The following SCN8A variants were observed in gnomAD, a reference collection of about 807,000 sequenced individuals.
SCN8A encodes sodium voltage-gated channel alpha subunit 8.
Under a neutral mutation model 184.1 loss-of-function variants are expected in SCN8A, and 30 were observed. That is an observed-to-expected ratio of 0.16 (90% CI 0.12 to 0.22). SCN8A has a LOEUF of 0.22. SCN8A is among the 10% of genes least tolerant of loss of function. The pLI, the probability that SCN8A is intolerant of heterozygous loss-of-function variation, is 1.00. For missense variants in SCN8A, 1,057 were observed against 2,498.9 expected (o/e 0.42, Z 12.30); for synonymous variants, 852 against 907.0 (o/e 0.94, Z 1.09).
At chr12:51,705,284 A>G in intron 9 of SCN8A, 133 bp from the exon 10 acceptor site, 1 of 707,510 alleles carries the variant, frequency 1.4e-6, no homozygotes, top group Non-Finnish European at 2.3e-6. Flanking sequence ...CACAATAGGA[A>G]GGAGTACTGC....
At chr12:51,736,950 T>A (rs1942335741) in intron 12 of SCN8A, among the ~76,000 whole-genome samples, 1 of 152,248 alleles carries the variant, frequency 6.6e-6, no homozygotes, top group Non-Finnish European at 1.5e-5. Flanking sequence ...GAGACCCATC[T>A]GTAAAAACAT....
chr12:51,694,038 T>G (rs940647117), intron 6 of SCN8A, among the ~76,000 whole-genome samples: 1 of 152,222 alleles, frequency 6.6e-6, no homozygotes, highest in African/African-American at 2.4e-5. Flanking sequence ...GTTCAAGCGA[T>G]TCTCCTGCCT....
At chr12:51,694,534 C>A (rs1392709023) in intron 6 of SCN8A, among the ~76,000 whole-genome samples, 1 of 152,212 alleles carries the variant, frequency 6.6e-6, no homozygotes, top group Admixed American at 6.5e-5. Flanking sequence ...TCTACTCAGA[C>A]ACGTACCAAA....
chr12:51,703,107 G>A (rs1410199496), intron 9 of SCN8A, among the ~76,000 whole-genome samples, 193 bp downstream of exon 9: 1 of 152,224 alleles, frequency 6.6e-6, no homozygotes, highest in East Asian at 1.9e-4. Flanking sequence ...GCTCAGTCAT[G>A]TATAGCTGTA....
intron 1 of SCN8A, among the ~76,000 whole-genome samples, chr12:51,641,743 C>A (rs1338605720): frequency 6.6e-6 from 1 of 152,196 alleles, no homozygotes; most frequent in African/African-American, 2.4e-5. Context: ...TAGAAAATCA[C>A]TGGGGCGGAG....
rs1487085633 is a variant in SCN8A, at chr12:51,808,382, TAACA to T, written c.*954_*957del. The T allele has an allele frequency of 6.6e-6, 1 of 152,660 alleles. No homozygotes were observed. The highest frequency in any genetic ancestry group is 1.5e-5 in the Non-Finnish European group (1 of 68,058). 9.5% of individuals were successfully genotyped at this position (152,660 alleles called of 1,614,324 possible). On this transcript the variant is annotated 3_prime_UTR_variant, in exon 27 of 27. Coordinates refer to ENST00000627620, the MANE Select transcript of SCN8A (RefSeq NM_001330260.2). ...CGTGTATATGTTTAACAGACATCTC[TAACA>T]TACAGCCATTGTTGCACATTTTGCA...
At chr12:51,756,578 C>A (rs1007617283) in intron 14 of SCN8A, among the ~76,000 whole-genome samples, 1 of 152,276 alleles carries the variant, frequency 6.6e-6, no homozygotes, top group African/African-American at 2.4e-5. Flanking sequence ...GGCCTCAACA[C>A]CTATGTGGGG....
At chr12:51,798,911 G>A (rs1170019162) in intron 26 of SCN8A, among the ~76,000 whole-genome samples, 1 of 152,190 alleles carries the variant, frequency 6.6e-6, no homozygotes, top group African/African-American at 2.4e-5. Context: ...CCATGAATCA[G>A]TATATAATCA....
Position 51,721,848 on chromosome 12 carries a change from C to T in SCN8A, c.1938C>T (p.Asn646=), listed in dbSNP as rs186183096. The change falls in exon 12 of 27, where the codon AAC becomes AAT. Residue 646 remains asparagine, a synonymous_variant. Transcript: ENST00000627620. The stretch of plus-strand genomic sequence containing the variant: ...AGCGCAACAGCACGGTGGACTGCAA[C>T]GGCGTGGTGTCCCTCATCGGCGGCC... ...SVKRNSTVDC[N]GVVSLIGGPG... 13 of 1,604,270 alleles carry T rather than the reference C, an allele frequency of 8.1e-6. No homozygotes were observed. Among genetic ancestry groups the T allele is most frequent in the East Asian group, 6.7e-5 (3 of 44,880 alleles).
intron 1 of SCN8A, among the ~76,000 whole-genome samples, chr12:51,619,775 A>G (rs550463895): frequency 6.6e-6 from 1 of 152,340 alleles, no homozygotes; most frequent in Non-Finnish European, 1.5e-5. Context: ...GTAAACAACC[A>G]AAAGGGAAGG....
At chr12:51,638,460 G>A (rs891161189) in intron 1 of SCN8A, among the ~76,000 whole-genome samples, 13 of 151,576 alleles carry the variant, frequency 8.6e-5, no homozygotes, top group African/African-American at 2.4e-4. Context: ...AAATGTCAAC[G>A]TCAACAGGAG....
intron 6 of SCN8A, chr12:51,690,010 T>A (rs902891548): frequency 2.6e-5 from 4 of 152,218 alleles, no homozygotes; most frequent in African/African-American, 9.7e-5. Flanking sequence ...AGCCCATCCA[T>A]GGACCCCAGG....
At chr12:51,681,797 G>A (rs1485049374) in intron 2 of SCN8A, among the ~76,000 whole-genome samples, 1 of 152,152 alleles carries the variant, frequency 6.6e-6, no homozygotes, top group Non-Finnish European at 1.5e-5. Context: ...ATTAGGAAAG[G>A]AAAGAATAGA....
intron 1 of SCN8A, among the ~76,000 whole-genome samples, chr12:51,612,634 A>G (rs1268289872): frequency 6.6e-6 from 1 of 152,164 alleles, no homozygotes; most frequent in Non-Finnish European, 1.5e-5. Context: ...AATGAATTAC[A>G]TTGGTTTTCA....
At chr12:51,770,805 G>A (rs1942914835) in intron 19 of SCN8A, 122 bp downstream of exon 19, 1 of 1,020,048 alleles carries the variant, frequency 9.8e-7, no homozygotes, top group East Asian at 2.4e-5. Context: ...GTCCCAAGAA[G>A]AATGATCTGT....
intron 1 of SCN8A, among the ~76,000 whole-genome samples, chr12:51,649,072 T>A (rs1940652537): frequency 6.6e-6 from 1 of 152,150 alleles, no homozygotes; most frequent in South Asian, 2.1e-4. Context: ...AGGGGTTATA[T>A]AGGGCCCATG....
At chr12:51,732,025 G>A (rs2138802069) in intron 12 of SCN8A, among the ~76,000 whole-genome samples, 1 of 152,232 alleles carries the variant, frequency 6.6e-6, no homozygotes, top group South Asian at 2.1e-4. Flanking sequence ...TGGGTTGTCT[G>A]TTCACTTTGT....
chr12:51,775,698 G>A (rs1212533000), intron 20 of SCN8A, among the ~76,000 whole-genome samples: 1 of 152,168 alleles, frequency 6.6e-6, no homozygotes, highest in Non-Finnish European at 1.5e-5. Context: ...AAGTGAGACT[G>A]GGCCAGTTCT....
At chr12:51,752,262 G>T (rs946712607) in intron 14 of SCN8A, among the ~76,000 whole-genome samples, 1 of 152,160 alleles carries the variant, frequency 6.6e-6, no homozygotes, top group African/African-American at 2.4e-5. Context: ...TAAAGAATTA[G>T]TGAGAAAGAA....
Sources: gnomAD v4.1 joint callset for allele counts (sites outside exome capture counted in the v4.1 genomes callset) on GRCh38, gnomAD v4.1.1 for gene constraint, MANE v1.5 for transcripts, NCBI Gene and HGNC (gene_info 2026-07-23, HGNC 2026-07-21) for gene names.